UGT1A7: variants seen among roughly 807,000 people sequenced by gnomAD.
UGT1A7 encodes UDP glucuronosyltransferase family 1 member A7.
Under a neutral mutation model 45.6 loss-of-function variants are expected in UGT1A7, and 33 were observed. That is an observed-to-expected ratio of 0.72 (90% CI 0.55 to 0.97). UGT1A7 has a LOEUF of 0.97. Ranked by LOEUF, UGT1A7 falls within the 50% of genes least tolerant of loss-of-function variation. UGT1A7 has a pLI of 0.00. For synonymous variants in UGT1A7, 274 were observed against 250.6 expected (o/e 1.09, Z -0.88); for missense variants, 684 against 666.2 (o/e 1.03, Z -0.29).
intron 1 of UGT1A7, chr2:233,692,122 T>C (rs2125550714): frequency 6.6e-6 from 1 of 152,296 alleles, no homozygotes; most frequent in South Asian, 2.1e-4. Context: ...TAATCAATCA[T>C]GCCTACTATG....
intron 1 of UGT1A7, among the ~76,000 whole-genome samples, chr2:233,724,066 G>GC (rs1225468925): frequency 2.7e-5 from 2 of 73,838 alleles, no homozygotes; most frequent in Non-Finnish European, 5.1e-5. Context: ...AGACGGGGTG[G>GC]TGGCCGGGCA....
At chr2:233,724,307 C>T (rs2077214825) in intron 1 of UGT1A7, among the ~76,000 whole-genome samples, 2 of 146,966 alleles carry the variant, frequency 1.4e-5, no homozygotes, top group African/African-American at 2.5e-5. Flanking sequence ...CCACCTCCCT[C>T]CCGGACGGGG....
At chr2:233,736,636 C>T (rs1288684741) in intron 1 of UGT1A7, among the ~76,000 whole-genome samples, 1 of 152,166 alleles carries the variant, frequency 6.6e-6, no homozygotes, top group Non-Finnish European at 1.5e-5. Context: ...GCTCTAGTTT[C>T]CCCCCATCTT....
At chr2:233,767,402 C>T (rs1699387838) in intron 2 of UGT1A7, among the ~76,000 whole-genome samples, 1 of 152,122 alleles carries the variant, frequency 6.6e-6, no homozygotes, top group Non-Finnish European at 1.5e-5. Flanking sequence ...ATCATTTTCT[C>T]TAAGAGACTC....
intron 1 of UGT1A7, among the ~76,000 whole-genome samples, chr2:233,689,008 T>C (rs1007818083): frequency 1.3e-5 from 2 of 152,220 alleles, no homozygotes. Context: ...GTCTCTTTAC[T>C]TCATAAACAT....
At chr2:233,750,066 G>A (rs12987866) in intron 1 of UGT1A7, among the ~76,000 whole-genome samples, 28,360 of 151,834 alleles carry the variant, frequency 0.19, 3,511 homozygotes, top group South Asian at 0.3. Flanking sequence ...TTTGGAACTG[G>A]GTAACAGGCA....
chr2:233,738,671 G>A (rs6722076), intron 1 of UGT1A7, among the ~76,000 whole-genome samples: 41,235 of 152,112 alleles, frequency 0.27, 5,866 homozygotes, highest in South Asian at 0.39. Context: ...TGAGAGAGAT[G>A]ATCTGAAATT....
intron 1 of UGT1A7, among the ~76,000 whole-genome samples, chr2:233,763,945 G>A (rs1405755046): frequency 6.6e-6 from 1 of 152,190 alleles, no homozygotes; most frequent in Non-Finnish European, 1.5e-5. Context: ...GGAAAGCTTG[G>A]GAGCAGGGAA....
chr2:233,737,416 C>T (rs1321045619), intron 1 of UGT1A7, among the ~76,000 whole-genome samples: 5 of 152,210 alleles, frequency 3.3e-5, no homozygotes, highest in Non-Finnish European at 7.3e-5. Context: ...TTGGGAAAAG[C>T]ACAGTATTTG....
At chr2:233,719,629 T>C in intron 1 of UGT1A7, 1 of 1,614,102 alleles carries the variant, frequency 6.2e-7, no homozygotes, top group Admixed American at 1.7e-5. Flanking sequence ...AGGCCGATCA[T>C]GCCCAACATG....
chr2:233,695,832 C>G (rs1356599606), intron 1 of UGT1A7, among the ~76,000 whole-genome samples: 1 of 152,100 alleles, frequency 6.6e-6, no homozygotes, highest in Admixed American at 6.5e-5. Context: ...ACAAAAAACT[C>G]AAAGGGTTTT....
intron 1 of UGT1A7, chr2:233,693,968 G>A (rs1467936379): frequency 1.3e-6 from 2 of 1,572,252 alleles, no homozygotes; most frequent in South Asian, 1.2e-5. Flanking sequence ...GGATTTCCTG[G>A]AGAAACGGTG....
intron 2 of UGT1A7, 126 bp from the exon 3 acceptor site, chr2:233,767,723 C>T: frequency 1.3e-6 from 2 of 1,549,102 alleles, no homozygotes; most frequent in Non-Finnish European, 1.7e-6. Context: ...TTCACAGTTA[C>T]TGATCCTCCC....
intron 1 of UGT1A7, among the ~76,000 whole-genome samples, chr2:233,716,543 C>T (rs2076509710): frequency 6.6e-6 from 1 of 152,114 alleles, no homozygotes; most frequent in South Asian, 2.1e-4. Flanking sequence ...CCTTTCTCTC[C>T]TTATATTCCT....
chr2:233,690,774 C>G, intron 1 of UGT1A7: 1 of 1,062,400 alleles, frequency 9.4e-7, no homozygotes, highest in Non-Finnish European at 1.2e-6. Flanking sequence ...CACACACACA[C>G]ATACACACAC....
chr2:233,763,021 T>C (rs1698218577), intron 1 of UGT1A7, among the ~76,000 whole-genome samples: 1 of 152,256 alleles, frequency 6.6e-6, no homozygotes, highest in Non-Finnish European at 1.5e-5. Context: ...TTGCATTATG[T>C]TAGCCATTGT....
chr2:233,726,660 C>T (rs1324715982), intron 1 of UGT1A7, among the ~76,000 whole-genome samples: 1 of 152,178 alleles, frequency 6.6e-6, no homozygotes, highest in Non-Finnish European at 1.5e-5. Flanking sequence ...TTAATTTAAT[C>T]ATATCTGTGA....
chr2:233,748,611 A>G (rs1693987516), intron 1 of UGT1A7, among the ~76,000 whole-genome samples: 1 of 151,804 alleles, frequency 6.6e-6, no homozygotes, highest in Non-Finnish European at 1.5e-5. Context: ...AGAGCAACGA[A>G]CGTGGGATAT....
In UGT1A7 at chr2:233,681,973, A is replaced by T. The variant is rs768736320; in HGVS notation, c.36A>T (p.Leu12=). 1 of 1,614,064 alleles carries T rather than the reference A, an allele frequency of 6.2e-7. No individual in the cohort carries two copies. The highest frequency in any genetic ancestry group is 1.1e-5 in the South Asian group (1 of 91,074). Reference sequence around the variant, plus strand: ...CAGGGTGGACTGGCCTCCTTCCCCTATATGTGTGTCTACTGCTGACCTGTG... The same window carrying T: ...CAGGGTGGACTGGCCTCCTTCCCCTTTATGTGTGTCTACTGCTGACCTGTG... ...ARAGWTGLLP[L]YVCLLLTCGF... The change falls in exon 1 of 5, where the codon CTA becomes CTT. Residue 12 remains leucine, a synonymous_variant. Coordinates refer to ENST00000373426, the MANE Select transcript of UGT1A7 (RefSeq NM_019077.3).
Sources: allele counts gnomAD v4.1 joint callset (sites outside exome capture counted in the v4.1 genomes callset), GRCh38; gene constraint gnomAD v4.1.1; transcripts MANE v1.5; gene names NCBI Gene and HGNC (gene_info 2026-07-23, HGNC 2026-07-21).